ZC3H15: variants seen among roughly 807,000 people sequenced by gnomAD.
ZC3H15 encodes the protein zinc finger CCCH domain-containing protein 15.
A neutral mutation model predicts 51.2 loss-of-function variants in ZC3H15; 15 were observed. The observed-to-expected ratio is 0.29, with a 90% CI of 0.20 to 0.45. The LOEUF is 0.45. ZC3H15 is among the 20% of genes least tolerant of loss of function. The pLI, the probability that ZC3H15 is intolerant of heterozygous loss-of-function variation, is 1.00. For synonymous variants in ZC3H15, 144 were observed against 162.8 expected (o/e 0.88, Z 0.88); for missense variants, 381 against 494.7 (o/e 0.77, Z 2.18).
chr2:186,494,557 A>G (rs1685251928), intron 1 of ZC3H15, among the ~76,000 whole-genome samples: 1 of 152,178 alleles, frequency 6.6e-6, no homozygotes, highest in Admixed American at 6.5e-5. Flanking sequence ...CTTAAGAATT[A>G]AGAATCCTTT....
At chr2:186,497,695 T>TCC in intron 2 of ZC3H15, among the ~76,000 whole-genome samples, 1 of 152,206 alleles carries the variant, frequency 6.6e-6, no homozygotes, top group Admixed American at 6.5e-5. Flanking sequence ...CAATCCTGCT[T>TCC]TCTCTTCCCC....
At chr2:186,502,608 G>T in intron 5 of ZC3H15, 21 bp downstream of exon 5, 1 of 1,571,236 alleles carries the variant, frequency 6.4e-7, no homozygotes, top group South Asian at 1.1e-5. Context: ...TTCTTGAATT[G>T]AGTTGCTGTG....
Position 186,490,232 on chromosome 2 carries a change from G to A in ZC3H15, c.75+3775G>A, listed in dbSNP as rs146486606. 6.8e-3 allele frequency among the ~76,000 whole-genome samples: 1,035 copies of A among 152,260 alleles called. 8 individuals are homozygous for A. The highest frequency in any genetic ancestry group is 0.01 in the Non-Finnish European group (702 of 68,024). On this transcript the variant is annotated intron_variant, in intron 1 of 9. Coordinates refer to ENST00000337859, the MANE Select transcript of ZC3H15 (RefSeq NM_018471.3). Reference sequence around the variant, plus strand: ...GAAATTAACACATTAGTCTGAAATGGCATATACCATTTGCTTTCTTACAAC... The same window carrying A: ...GAAATTAACACATTAGTCTGAAATGACATATACCATTTGCTTTCTTACAAC...
At chr2:186,505,637 C>A in intron 7 of ZC3H15, 40 bp downstream of exon 7, 1 of 1,598,060 alleles carries the variant, frequency 6.3e-7, no homozygotes, top group South Asian at 1.1e-5. Context: ...TTTATTCTTC[C>A]ATTTTCAATT....
At chr2:186,492,164 C>T (rs975401210) in intron 1 of ZC3H15, among the ~76,000 whole-genome samples, 13 of 152,140 alleles carry the variant, frequency 8.5e-5, no homozygotes, top group African/African-American at 3.1e-4. Flanking sequence ...AGTTTATTTT[C>T]TCTGGCAGAG....
At chr2:186,502,374 A>G (rs1574426216) in intron 4 of ZC3H15, 122 bp from the exon 5 acceptor site, 1 of 805,752 alleles carries the variant, frequency 1.2e-6, no homozygotes, top group Non-Finnish European at 1.8e-6. Flanking sequence ...CGTCTCAACA[A>G]AAAGAAAAAG....
chr2:186,493,787 G>T (rs1191228536), intron 1 of ZC3H15, among the ~76,000 whole-genome samples: 2 of 151,178 alleles, frequency 1.3e-5, no homozygotes, highest in African/African-American at 2.4e-5. Context: ...TTATATAGCA[G>T]TGTCACTCTG....
chr2:186,496,233 A>G (rs1685279322), intron 2 of ZC3H15, among the ~76,000 whole-genome samples: 1 of 152,126 alleles, frequency 6.6e-6, no homozygotes, highest in Non-Finnish European at 1.5e-5. Context: ...TTTATTTTAT[A>G]TATCTTAAAG....
rs1290956162 is a variant in ZC3H15 at position 186,495,345 on chromosome 2, T to G, written c.177+11T>G. ...CAAAATCCACGTCAGGTAAGTAATTTAAATGTCCATATCTTTTTATAAATG... is the reference window on the plus strand; with the variant it reads ...CAAAATCCACGTCAGGTAAGTAATTGAAATGTCCATATCTTTTTATAAATG... On this transcript the variant is annotated intron_variant, in intron 2 of 9. Coordinates refer to ENST00000337859, the MANE Select transcript of ZC3H15 (RefSeq NM_018471.3). The G allele has an allele frequency of 2.1e-6, 3 of 1,417,860 alleles. No individual in the cohort carries two copies. Among genetic ancestry groups the G allele is most frequent in the East Asian group, 5.4e-5 (2 of 36,796 alleles). The allele number at this position is 1,417,860 out of a possible 1,614,324, so 87.8% of individuals were successfully genotyped here. A position where few individuals can be genotyped will look rare whatever the true frequency, so the allele number is the denominator to read the frequency against.
intron 1 of ZC3H15, chr2:186,487,373 T>C (rs1440314741): frequency 6.6e-6 from 1 of 152,200 alleles, no homozygotes; most frequent in African/African-American, 2.4e-5. Context: ...ATTTCTTCCC[T>C]CGATTTCTGC....
intron 8 of ZC3H15, 32 bp downstream of exon 8, chr2:186,505,873 T>C: frequency 1.2e-6 from 2 of 1,601,834 alleles, no homozygotes; most frequent in Non-Finnish European, 1.7e-6. Flanking sequence ...CATCTCCTTA[T>C]GTTAATTGAA....
intron 2 of ZC3H15, among the ~76,000 whole-genome samples, chr2:186,497,905 G>C (rs754472461): frequency 6.6e-6 from 1 of 152,178 alleles, no homozygotes; most frequent in South Asian, 2.1e-4. Flanking sequence ...ATGAGCAGTA[G>C]TGCTGCTCTT....
chr2:186,505,606 C>T lies in ZC3H15; in HGVS notation c.864+9C>T. The T allele has an allele frequency of 1.2e-6, 2 of 1,601,768 alleles. No homozygotes were observed. The highest frequency in any genetic ancestry group is 8.5e-7 in the Non-Finnish European group (1 of 1,173,896). ...CAGGGAAAGCACTAGTGGTATGTCT[C>T]AGGCTCACCCAAACTGATTCTTTAT... On this transcript the variant is annotated intron_variant, in intron 7 of 9. Transcript: ENST00000337859.
At chr2:186,495,051 T>C (rs1685260181) in intron 1 of ZC3H15, among the ~76,000 whole-genome samples, 182 bp from the exon 2 acceptor site, 1 of 152,048 alleles carries the variant, frequency 6.6e-6, no homozygotes, top group African/African-American at 2.4e-5. Context: ...ACATATTGAA[T>C]TGTAAAGAAT....
rs988116920 is a variant in ZC3H15, at chr2:186,508,793, T to A, written c.*60T>A. The A allele has an allele frequency of 3.3e-4, 501 of 1,524,198 alleles. 1 individual carries two copies. Among genetic ancestry groups the A allele is most frequent in the East Asian group, 3.4e-4 (15 of 43,880 alleles). 94.4% of individuals were successfully genotyped at this position (1,524,198 alleles called of 1,614,324 possible). A position where few individuals can be genotyped will look rare whatever the true frequency, so the allele number is the denominator to read the frequency against. On this transcript the variant is annotated 3_prime_UTR_variant, in exon 10 of 10. Coordinates refer to ENST00000337859, the MANE Select transcript of ZC3H15 (RefSeq NM_018471.3). Reference sequence around the variant, plus strand: ...CAGCACGAGTTGAAATTGACTACATTAATTTCTTTCCACCTAGAATCAACA... The same window carrying A: ...CAGCACGAGTTGAAATTGACTACATAAATTTCTTTCCACCTAGAATCAACA...
At chr2:186,487,335 A>T (rs1006148462) in intron 1 of ZC3H15, 1 of 152,220 alleles carries the variant, frequency 6.6e-6, no homozygotes, top group African/African-American at 2.4e-5. Flanking sequence ...GACATTACGT[A>T]AACATACCAT....
At chr2:186,488,500 G>C (rs1345050434) in intron 1 of ZC3H15, 1 of 152,122 alleles carries the variant, frequency 6.6e-6, no homozygotes, top group Non-Finnish European at 1.5e-5. Context: ...TATATTTCTA[G>C]TATGTTCCTT....
chr2:186,508,547 CAAAT>C lies in ZC3H15; in HGVS notation c.1096_1099del (p.Lys366Ter). The stretch of plus-strand genomic sequence containing the variant: ...GATTCCAGTTTTTATATTTAGAAAA[CAAAT>C]TAAGTGAAGCTTCTGGAGGTAGGGC... On this transcript the variant is annotated frameshift_variant, in exon 10 of 10. Transcript: ENST00000337859. LOFTEE classifies it high-confidence loss of function. The C allele has an allele frequency of 6.2e-7, 1 of 1,613,112 alleles. No homozygotes were observed. Among genetic ancestry groups the C allele is most frequent in the Non-Finnish European group, 8.5e-7 (1 of 1,179,628 alleles).
At chr2:186,491,123 T>A (rs1685191636) in intron 1 of ZC3H15, among the ~76,000 whole-genome samples, 1 of 152,196 alleles carries the variant, frequency 6.6e-6, no homozygotes, top group Non-Finnish European at 1.5e-5. Flanking sequence ...ATCTCAGATC[T>A]GCAGTGTGAT....
Sources: gnomAD v4.1 joint callset for allele counts (sites outside exome capture counted in the v4.1 genomes callset) on GRCh38, gnomAD v4.1.1 for gene constraint, MANE v1.5 for transcripts, NCBI Gene and HGNC (gene_info 2026-07-23, HGNC 2026-07-21) for gene names.